The following TTN variants were observed in gnomAD, a reference collection of about 807,000 sequenced individuals.
TTN encodes titin, also known as connectin.
TTN carries 1,525 observed loss-of-function variants against 3,223.0 expected under a neutral mutation model. The observed-to-expected ratio is 0.47, with a 90% CI of 0.45 to 0.49. The LOEUF (loss-of-function observed/expected upper bound fraction) is 0.49. Among genes scored for constraint, TTN ranks in the 20% least tolerant of loss-of-function variants. The pLI is 0.00. For missense variants in TTN, 40,786 were observed against 43,424.0 expected (o/e 0.94, Z 5.40); for synonymous variants, 14,094 against 15,161.0 (o/e 0.93, Z 5.17).
At chr2:178,699,304 T>G (rs1203395004) in intron 111 of TTN, among the ~76,000 whole-genome samples, 1 of 151,624 alleles carries the variant, frequency 6.6e-6, no homozygotes, top group Non-Finnish European at 1.5e-5. Context: ...AAGTCCTTTG[T>G]TGTGCAGCTG....
chr2:178,775,856 C>A lies in TTN; in HGVS notation c.6008G>T (p.Arg2003Leu), dbSNP rs753167856. 6.2e-7 allele frequency: 1 copy of A among 1,614,078 alleles called. No homozygotes were observed. The highest frequency in any genetic ancestry group is 8.5e-7 in the Non-Finnish European group (1 of 1,180,010). The change falls in exon 28 of 363, where the codon CGC becomes CTC. Residue 2003 changes from arginine to leucine, a missense_variant. By Grantham distance (102) the Arg-to-Leu change is moderately radical. Coordinates refer to ENST00000589042, the MANE Select transcript of TTN (RefSeq NM_001267550.2). ...TTCATAATAGCCCTCTTCTGTTCTG[C>A]GCTTGAATTTACTGCGCAGCTCTTC... The part of the protein sequence containing the change: ...ESEELRSKFK[R>L]RTEEGYYEAI...
intron 121 of TTN, 151 bp downstream of exon 121, chr2:178,691,865 G>A: frequency 3.7e-6 from 2 of 539,084 alleles, no homozygotes; most frequent in Non-Finnish European, 6.4e-6. Flanking sequence ...AGTATGTCAA[G>A]AGCATGGCAC....
At chr2:178,670,085 T>C in intron 157 of TTN, 133 bp downstream of exon 157, 1 of 565,940 alleles carries the variant, frequency 1.8e-6, no homozygotes, top group Middle Eastern at 3.5e-4. Flanking sequence ...GGCAGGATTA[T>C]GTTATAGAAC....
chr2:178,527,050 C>G lies in TTN; in HGVS notation c.107938G>C (p.Asp35980His). ...ATATGTATATTCACAGTGGCAGAGT[C>G]AGATCCAAATTCATTCCCTAAACTC... is the stretch of plus-strand genomic sequence containing the variant. ...TLSLGNEFGS[D>H]SATVNIHIRS... is the part of the protein sequence containing the mutation. Residue 35980 changes from aspartate (D) to histidine (H), a missense_variant, in exon 363 of 363, where the codon GAC (aspartate) becomes CAC (histidine). By Grantham distance (81) the Asp-to-His change is moderately conservative (BLOSUM62 -1). Transcript: ENST00000589042. The G allele has an allele frequency of 6.2e-7, 1 of 1,613,740 alleles. No homozygotes were observed. The highest frequency in any genetic ancestry group is 8.5e-7 in the Non-Finnish European group (1 of 1,179,792).
chr2:178,612,129 A>G lies in TTN; in HGVS notation c.50282T>C (p.Val16761Ala). 6.2e-7 allele frequency: 1 copy of G among 1,611,884 alleles called. No homozygotes were observed. The highest frequency in any genetic ancestry group is 8.5e-7 in the Non-Finnish European group (1 of 1,178,916). Residue 16761 changes from valine to alanine, a missense_variant, in exon 267 of 363, where the codon GTT (valine) becomes GCT (alanine). By Grantham distance (64) the Val-to-Ala change is moderately conservative (BLOSUM62 0). Coordinates refer to ENST00000589042, the MANE Select transcript of TTN (RefSeq NM_001267550.2). ...GTCAACATGTCGTTTTGTCACATCA[A>G]CCACTGCCAGGGCGTAGGGTGGTCC... The part of the protein sequence containing the change: ...TPGPPYALAV[V>A]DVTKRHVDLK...
chr2:178,721,067 T>C lies in TTN; in HGVS notation c.22952A>G (p.Glu7651Gly), dbSNP rs1461872954. Residue 7651 changes from glutamate to glycine, a missense_variant, in exon 79 of 363, where the codon GAA (glutamate) becomes GGA (glycine). Glu to Gly is a moderately conservative substitution (Grantham distance 98). Transcript: ENST00000589042. ...SWFRNDSELH[E>G]SWKYNMSFIN... The stretch of plus-strand genomic sequence containing the variant: ...GAATGACATGTTGTATTTCCAACTT[T>C]CATGAAGTTCGCTGTCATTTCGGAA... The C allele has an allele frequency of 5.6e-6, 9 of 1,613,182 alleles. No homozygotes were observed. The African/African-American group carries it at 1.1e-4, about 19-fold the overall frequency.
chr2:178,667,347 TA>T (rs1327114103), intron 161 of TTN, 28 bp from the exon 162 acceptor site: 1 of 1,575,412 alleles, frequency 6.3e-7, no homozygotes, highest in Admixed American at 1.8e-5. Flanking sequence ...GGTTTACATT[TA>T]AAAGTTGTAA....
At chr2:178,587,477 A>G (rs1424929342) in intron 306 of TTN, 39 bp downstream of exon 306, 1 of 1,602,526 alleles carries the variant, frequency 6.2e-7, no homozygotes, top group Admixed American at 1.7e-5. Context: ...TAACAAATTC[A>G]TTTTTGAAGT....
chr2:178,773,343 C>A lies in TTN; in HGVS notation c.7621G>T (p.Asp2541Tyr), dbSNP rs1462842843. 2 of 1,613,888 alleles carry A rather than the reference C, an allele frequency of 1.2e-6. No individual in the cohort carries two copies. The highest frequency in any genetic ancestry group is 1.3e-5 in the African/African-American group (1 of 75,002). ...EKIKIIRGLR[D>Y]LTCTETQNVV... ...TTTTGAGTTTCTGTACAGGTAAGGT[C>A]ACGAAGACCTCTGATAATTTTAATT... The change falls in exon 33 of 363, where the codon GAC (aspartate) becomes TAC (tyrosine). Residue 2541 changes from aspartate (D) to tyrosine (Y), a missense_variant. Coordinates refer to ENST00000589042, the MANE Select transcript of TTN (RefSeq NM_001267550.2).
chr2:178,777,140 C>G lies in TTN; in HGVS notation c.4814+9G>C, dbSNP rs768137657. 48 of 1,614,006 alleles carry G rather than the reference C, an allele frequency of 3.0e-5. No individual in the cohort carries two copies. Among genetic ancestry groups the G allele is most frequent in the Non-Finnish European group, 3.9e-5 (46 of 1,179,950 alleles). On this transcript the variant is annotated intron_variant, in intron 27 of 362. Coordinates refer to ENST00000589042, the MANE Select transcript of TTN (RefSeq NM_001267550.2). ...ATAATGAGCTTAGCTTTATTATTTC[C>G]ATACTTACCTGATTTTGGGATATTT...
Position 178,734,311 on chromosome 2 carries a change from G to C in TTN, c.15496+17C>G. 1 of 1,547,492 alleles carries C rather than the reference G, an allele frequency of 6.5e-7. No individual in the cohort carries two copies. The highest frequency in any genetic ancestry group is 1.3e-5 in the South Asian group (1 of 79,564). On this transcript the variant is annotated intron_variant, in intron 52 of 362. Coordinates refer to ENST00000589042, the MANE Select transcript of TTN (RefSeq NM_001267550.2). Reference sequence around the variant, plus strand: ...TTGACAATTTATTAAAGAGACATTAGTTTTTCAAGCACTAACCTTTGAGTA... The same window carrying C: ...TTGACAATTTATTAAAGAGACATTACTTTTTCAAGCACTAACCTTTGAGTA...
chr2:178,615,165 G>A (rs754994078), intron 259 of TTN, 142 bp downstream of exon 259: 5 of 1,095,618 alleles, frequency 4.6e-6, no homozygotes, highest in Non-Finnish European at 5.2e-6. Context: ...AGTACATTCA[G>A]CAGCACCTTT....
intron 240 of TTN, among the ~76,000 whole-genome samples, chr2:178,628,004 C>T (rs563095074): frequency 5.9e-5 from 9 of 152,032 alleles, no homozygotes; most frequent in Admixed American, 3.3e-4. Context: ...TTTAGAAGAC[C>T]TCATTGTAAG....
In TTN at chr2:178,714,080, T is replaced by C; in HGVS notation, c.26578A>G (p.Ser8860Gly). 1 of 1,613,694 alleles carries C rather than the reference T, an allele frequency of 6.2e-7. No individual in the cohort carries two copies. The highest frequency in any genetic ancestry group is 8.5e-7 in the Non-Finnish European group (1 of 1,179,726). The part of the protein sequence containing the change: ...ECTVAGTPEL[S>G]TKWFKDGKEL... The stretch of plus-strand genomic sequence containing the variant: ...TTTCCATCCTTAAACCACTTAGTAC[T>C]GAGTTCAGGGGTGCCAGCTACTGTA... Residue 8860 changes from serine (S) to glycine (G), a missense_variant, in exon 92 of 363, where the codon AGT (serine) becomes GGT (glycine). Ser to Gly is a moderately conservative substitution (Grantham distance 56). Coordinates refer to ENST00000589042, the MANE Select transcript of TTN (RefSeq NM_001267550.2).
chr2:178,546,030 C>T lies in TTN; in HGVS notation c.95206G>A (p.Gly31736Arg), dbSNP rs771799061. The T allele has an allele frequency of 8.7e-6, 14 of 1,613,666 alleles. No homozygotes were observed. Among genetic ancestry groups the T allele is most frequent in the Middle Eastern group, 1.6e-4 (1 of 6,078 alleles). ...ATGTAGTGAGTGATTTCTGCTCCTC[C>T]GTCTTCCTGCGGAAGGCTCCAGGCT... ...TLAWSLPQED[G>R]GAEITHYIVE... Residue 31736 changes from glycine (G) to arginine (R), a missense_variant, in exon 343 of 363, where the codon GGA becomes AGA. By Grantham distance (125) the Gly-to-Arg change is moderately radical. Transcript: ENST00000589042.
At chr2:178,684,472 A>G in intron 131 of TTN, 59 bp from the exon 132 acceptor site, 3 of 1,535,786 alleles carry the variant, frequency 2.0e-6, no homozygotes, top group Non-Finnish European at 2.7e-6. Context: ...AAAATATACT[A>G]GCCAGAAAGT....
chr2:178,561,858 C>G lies in TTN; in HGVS notation c.84274G>C (p.Val28092Leu). ...GTAGAGGTGGTTTCTTTCTTTTCAA[C>G]AATGTAATTGCTAATTTGGCAGCCA... ...DGGCQISNYI[V>L]EKKETTSTTW... is the part of the protein sequence containing the mutation. The change falls in exon 326 of 363, where the codon GTT (valine) becomes CTT (leucine). Residue 28092 changes from valine (V) to leucine (L), a missense_variant. Val to Leu is a conservative substitution (Grantham distance 32). Coordinates refer to ENST00000589042, the MANE Select transcript of TTN (RefSeq NM_001267550.2). 1 of 1,613,618 alleles carries G rather than the reference C, an allele frequency of 6.2e-7. No homozygotes were observed. The highest frequency in any genetic ancestry group is 8.5e-7 in the Non-Finnish European group (1 of 1,179,748).
intron 49 of TTN, 21 bp downstream of exon 49, chr2:178,738,061 G>A (rs765470110): frequency 6.2e-7 from 1 of 1,605,638 alleles, no homozygotes; most frequent in Admixed American, 1.7e-5. Context: ...GACAACATCT[G>A]TGCCAATGTA....
intron 147 of TTN, among the ~76,000 whole-genome samples, chr2:178,676,647 A>G (rs546432637): frequency 1.3e-5 from 2 of 149,488 alleles, no homozygotes; most frequent in South Asian, 2.2e-4. Flanking sequence ...AAATAACTTC[A>G]GGCTCAGGTT....
Sources: gnomAD v4.1 joint callset for allele counts (sites outside exome capture counted in the v4.1 genomes callset) on GRCh38, gnomAD v4.1.1 for gene constraint, MANE v1.5 for transcripts, NCBI Gene and HGNC (gene_info 2026-07-23, HGNC 2026-07-21) for gene names.